CACNG3: variants seen among roughly 807,000 people sequenced by gnomAD.
CACNG3 encodes the protein calcium voltage-gated channel auxiliary subunit gamma 3, also known as voltage-dependent calcium channel gamma-3 subunit.
A neutral mutation model predicts 28.5 loss-of-function variants in CACNG3; 3 were observed. That is an observed-to-expected ratio of 0.11 (90% CI 0.05 to 0.27). The LOEUF (loss-of-function observed/expected upper bound fraction) is 0.27. Among genes scored for constraint, CACNG3 ranks in the 10% least tolerant of loss-of-function variants. The pLI is 1.00. For synonymous variants in CACNG3, 174 were observed against 162.2 expected (o/e 1.07, Z -0.55); for missense variants, 236 against 414.4 (o/e 0.57, Z 3.74).
chr16:24,264,810 C>T (rs1481521343), intron 1 of CACNG3, among the ~76,000 whole-genome samples: 1 of 152,126 alleles, frequency 6.6e-6, no homozygotes. Flanking sequence ...CCTAAACTGT[C>T]AGTAAGAAAA....
chr16:24,359,370 C>T (rs973891690), intron 3 of CACNG3, among the ~76,000 whole-genome samples: 3 of 152,078 alleles, frequency 2.0e-5, no homozygotes, highest in African/African-American at 7.2e-5. Flanking sequence ...TGTTTGTCAC[C>T]CTGTGGTTTC....
intron 1 of CACNG3, among the ~76,000 whole-genome samples, chr16:24,276,153 C>A (rs1447592442): frequency 6.6e-6 from 1 of 152,198 alleles, no homozygotes; most frequent in Non-Finnish European, 1.5e-5. Context: ...ATATAAGAAT[C>A]TATCTCTCTT....
At chr16:24,332,477 A>G (rs1396980312) in intron 1 of CACNG3, among the ~76,000 whole-genome samples, 1 of 151,702 alleles carries the variant, frequency 6.6e-6, no homozygotes, top group Non-Finnish European at 1.5e-5. Context: ...AAAAAAAAAA[A>G]AAGAATGAGA....
chr16:24,296,835 C>T (rs906964425), intron 1 of CACNG3, among the ~76,000 whole-genome samples: 5 of 152,144 alleles, frequency 3.3e-5, no homozygotes, highest in African/African-American at 1.2e-4. Context: ...CTATTTTGAG[C>T]CTGCCAGTTA....
intron 1 of CACNG3, among the ~76,000 whole-genome samples, chr16:24,340,002 G>A (rs1396897331): frequency 6.6e-6 from 1 of 152,116 alleles, no homozygotes; most frequent in Non-Finnish European, 1.5e-5. Flanking sequence ...AGGTGTGGTG[G>A]TTCACACCTG....
chr16:24,280,844 A>AAAAAAAAAAAAAAAC (rs1414360076), intron 1 of CACNG3, among the ~76,000 whole-genome samples: 1 of 151,064 alleles, frequency 6.6e-6, no homozygotes, highest in Non-Finnish European at 1.5e-5. Context: ...AAAAAAAAAA[A>AAAAAAAAAAAAAAAC]AGACCAGACC....
chr16:24,319,149 T>C (rs751538545), intron 1 of CACNG3, among the ~76,000 whole-genome samples: 16 of 152,282 alleles, frequency 1.1e-4, no homozygotes, highest in Middle Eastern at 3.4e-3. Flanking sequence ...TTAAAGAGTG[T>C]CAACCTAAAT....
intron 1 of CACNG3, among the ~76,000 whole-genome samples, chr16:24,269,746 C>CAAAAAAAAAAAAAAAAAAAAAAAAAAAAA: frequency 1.4e-5 from 1 of 71,082 alleles, no homozygotes; most frequent in Non-Finnish European, 2.9e-5. Context: ...GACTCCATCT[C>CAAAAAAAAAAAAAAAAAAAAAAAAAAAAA]AAAAAAAAAA....
intron 1 of CACNG3, among the ~76,000 whole-genome samples, chr16:24,331,872 T>C (rs1899635260): frequency 6.6e-6 from 1 of 152,206 alleles, no homozygotes; most frequent in Non-Finnish European, 1.5e-5. Flanking sequence ...GGCTTCCTCT[T>C]GTCACTCAGG....
At chr16:24,265,447 A>AATAG (rs3060121) in intron 1 of CACNG3, among the ~76,000 whole-genome samples, 1 of 149,108 alleles carries the variant, frequency 6.7e-6, no homozygotes, top group Non-Finnish European at 1.5e-5. Context: ...GAGAGAAAGA[A>AATAG]AAAGAAAGAA....
At chr16:24,322,227 C>T (rs377286431) in intron 1 of CACNG3, among the ~76,000 whole-genome samples, 1 of 152,192 alleles carries the variant, frequency 6.6e-6, no homozygotes, top group Admixed American at 6.5e-5. Context: ...GAAATGCTCA[C>T]GTCAGCATCA....
At chr16:24,314,927 A>G (rs6497733) in intron 1 of CACNG3, among the ~76,000 whole-genome samples, 90,104 of 151,470 alleles carry the variant, frequency 0.59, 27,098 homozygotes, top group South Asian at 0.72. Flanking sequence ...AAGTCTGTGA[A>G]TCCCTTGGGC....
intron 1 of CACNG3, among the ~76,000 whole-genome samples, chr16:24,291,316 A>G (rs1234449739): frequency 6.6e-6 from 1 of 152,152 alleles, no homozygotes; most frequent in Non-Finnish European, 1.5e-5. Context: ...GGACCTGCAC[A>G]TCCCACAACC....
Position 24,329,191 on chromosome 16 carries a change from C to T in CACNG3, c.212-17543C>T, listed in dbSNP as rs908159368. 1.2e-4 allele frequency among the ~76,000 whole-genome samples: 19 copies of T among 152,164 alleles called. 1 individual carries two copies. The highest frequency in any genetic ancestry group is 1.5e-5 in the Non-Finnish European group (1 of 68,030). On this transcript the variant is annotated intron_variant, in intron 1 of 3. Transcript: ENST00000005284. ...ACTAAATCCCAGTGTGGTGTTTGCT[C>T]AAAACGCCAGAACTATTCCTGGATG...
Position 24,260,563 on chromosome 16 carries a change from C to T in CACNG3, c.211+3598C>T, listed in dbSNP as rs559092916. Among the ~76,000 whole-genome samples the T allele has an allele frequency of 4.6e-5, 7 of 152,312 alleles. No homozygotes were observed. In the South Asian group the frequency reaches 1.5e-3, roughly 32 times the overall value. ...GTCGTGCTGCCTCTCTGAGTATTTG[C>T]TAGAAAACATTAATTCATGCTTTGG... On this transcript the variant is annotated intron_variant, in intron 1 of 3. Transcript: ENST00000005284.
chr16:24,256,621 T>G lies in CACNG3; in HGVS notation c.-134T>G, dbSNP rs1449366303. ...GAAATCCCAGCTTTCCCAAAGTCCC[T>G]GTGGATGCTGACAAAAGGAGACCTG... On this transcript the variant is annotated 5_prime_UTR_variant, in exon 1 of 4. Transcript: ENST00000005284. This position sits in a 1 kb window ranked among gnomAD's most constrained non-coding sequence, Gnocchi z 4.6. The G allele has an allele frequency of 4.4e-6, 3 of 680,312 alleles. No homozygotes were observed. The highest frequency in any genetic ancestry group is 8.0e-6 in the Non-Finnish European group (3 of 374,468). The allele number at this position is 680,312 out of a possible 1,614,324, so 42.1% of individuals were successfully genotyped here.
chr16:24,274,558 G>A (rs1327578855), intron 1 of CACNG3, among the ~76,000 whole-genome samples: 1 of 152,168 alleles, frequency 6.6e-6, no homozygotes, highest in Non-Finnish European at 1.5e-5. Context: ...ATCTTTAGGA[G>A]CCTTAGGGAA....
In CACNG3 at chr16:24,306,509, C is replaced by T. The variant is rs549880585; in HGVS notation, c.212-40225C>T. On this transcript the variant is annotated intron_variant, in intron 1 of 3. Transcript: ENST00000005284. ...CTGGACTAATAAAGATTCCTTCCAC[C>T]CATCTGGTATCTCCTTCGCCCACTT... 1.4e-4 allele frequency among the ~76,000 whole-genome samples: 22 copies of T among 152,270 alleles called. No individual in the cohort carries two copies. The South Asian group carries it at 3.9e-3, about 27-fold the overall frequency.
chr16:24,347,777 C>T (rs144308170), intron 2 of CACNG3, among the ~76,000 whole-genome samples: 3,285 of 152,296 alleles, frequency 0.022, 124 homozygotes, highest in African/African-American at 0.074. Flanking sequence ...GAGCCAAGGC[C>T]TCTGGAATCT....
Sources: allele counts gnomAD v4.1 joint callset (sites outside exome capture counted in the v4.1 genomes callset), GRCh38; gene constraint gnomAD v4.1.1; non-coding constraint Gnocchi (gnomAD v3.1); transcripts MANE v1.5; gene names NCBI Gene and HGNC (gene_info 2026-07-23, HGNC 2026-07-21).